The following LRP1B variants were observed in gnomAD, a reference collection of about 807,000 sequenced individuals.
LRP1B encodes low-density lipoprotein receptor-related protein 1B.
A neutral mutation model predicts 556.6 loss-of-function variants in LRP1B; 217 were observed. The ratio of observed to expected loss-of-function variants is 0.39; its 90% CI spans 0.35 to 0.44. The LOEUF is 0.44. Among genes scored for constraint, LRP1B ranks in the 20% least tolerant of loss-of-function variants. The probability of loss-of-function intolerance (pLI) is 1.00; values close to 1 mark genes in which losing one functional copy is unlikely to be tolerated. For missense variants in LRP1B, 5,053 were observed against 5,620.8 expected (o/e 0.90, Z 3.23); for synonymous variants, 2,047 against 1,865.8 (o/e 1.10, Z -2.50).
At chr2:141,222,314 T>A (rs773890424) in intron 6 of LRP1B, among the ~76,000 whole-genome samples, 1 of 152,126 alleles carries the variant, frequency 6.6e-6, no homozygotes, top group Non-Finnish European at 1.5e-5. Context: ...CCTGGACACA[T>A]ACACCCACCC....
At chr2:140,806,064 T>TTCTCTCTC (rs3061403) in intron 32 of LRP1B, among the ~76,000 whole-genome samples, 1,738 of 151,318 alleles carry the variant, frequency 0.011, 22 homozygotes, top group South Asian at 0.028. Flanking sequence ...AGAGAGCTCT[T>TTCTCTCTC]TCTCTCTCTC....
At chr2:140,875,896 T>TGCCAC (rs1693289997) in intron 25 of LRP1B, among the ~76,000 whole-genome samples, 17 of 152,166 alleles carry the variant, frequency 1.1e-4, no homozygotes, top group Admixed American at 6.6e-5. Flanking sequence ...TATATTAAAT[T>TGCCAC]ATTGTGTGCC....
At chr2:140,971,081 A>AT (rs1164251638) in intron 18 of LRP1B, among the ~76,000 whole-genome samples, 2 of 152,124 alleles carry the variant, frequency 1.3e-5, no homozygotes, top group Non-Finnish European at 2.9e-5. Context: ...CAATGATGAC[A>AT]TTTTTTGTGC....
intron 32 of LRP1B, among the ~76,000 whole-genome samples, chr2:140,789,615 G>C (rs935097525): frequency 4.0e-5 from 5 of 123,904 alleles, no homozygotes; most frequent in African/African-American, 1.4e-4. Flanking sequence ...CTAGCTTTAA[G>C]GACTTTTTTT....
intron 1 of LRP1B, among the ~76,000 whole-genome samples, chr2:141,833,938 G>C (rs1159962768): frequency 6.9e-6 from 1 of 145,860 alleles, no homozygotes; most frequent in African/African-American, 2.8e-5. Flanking sequence ...GGGAATGATG[G>C]AAGAGGCAAA....
chr2:141,878,170 C>T (rs1698831437), intron 1 of LRP1B, among the ~76,000 whole-genome samples: 1 of 151,728 alleles, frequency 6.6e-6, no homozygotes, highest in African/African-American at 2.4e-5. Flanking sequence ...CACATCTCTT[C>T]AGAATATTCC....
At chr2:141,800,703 C>T (rs1695980705) in intron 2 of LRP1B, among the ~76,000 whole-genome samples, 1 of 152,240 alleles carries the variant, frequency 6.6e-6, no homozygotes, top group African/African-American at 2.4e-5. Context: ...TCATAAACAT[C>T]ATCTTCTTTA....
At chr2:141,428,033 G>A (rs184663576) in intron 3 of LRP1B, among the ~76,000 whole-genome samples, 1 of 152,180 alleles carries the variant, frequency 6.6e-6, no homozygotes, top group Admixed American at 6.5e-5. Flanking sequence ...GAAGCCCTCT[G>A]GATGTTATCC....
At chr2:141,713,982 C>G (rs1486345068) in intron 2 of LRP1B, among the ~76,000 whole-genome samples, 2 of 152,118 alleles carry the variant, frequency 1.3e-5, no homozygotes, top group African/African-American at 2.4e-5. Context: ...GATTTGCTGT[C>G]TTTTACACTG....
intron 22 of LRP1B, among the ~76,000 whole-genome samples, chr2:140,904,679 G>T (rs1485053560): frequency 6.6e-6 from 1 of 151,752 alleles, no homozygotes; most frequent in East Asian, 1.9e-4. Flanking sequence ...TTATTTTGAA[G>T]AAAAAAAATA....
chr2:141,942,491 A>G (rs942016561), intron 1 of LRP1B, among the ~76,000 whole-genome samples: 7 of 152,106 alleles, frequency 4.6e-5, no homozygotes, highest in African/African-American at 1.7e-4. Flanking sequence ...TTTGTAAAAA[A>G]CAAAAAACAA....
chr2:141,326,540 G>C (rs1687436273), intron 3 of LRP1B, among the ~76,000 whole-genome samples: 1 of 152,132 alleles, frequency 6.6e-6, no homozygotes, highest in Non-Finnish European at 1.5e-5. Context: ...AAATGAAAAT[G>C]CAGTAGGCAA....
intron 3 of LRP1B, among the ~76,000 whole-genome samples, chr2:141,301,321 A>T (rs945398613): frequency 5.3e-5 from 8 of 152,138 alleles, no homozygotes; most frequent in African/African-American, 1.9e-4. Context: ...TTGATCTCTT[A>T]CAAGTTATGG....
At chr2:140,786,415 A>G (rs2104974644) in intron 32 of LRP1B, among the ~76,000 whole-genome samples, 1 of 152,270 alleles carries the variant, frequency 6.6e-6, no homozygotes, top group South Asian at 2.1e-4. Context: ...CACTGTACCT[A>G]CTGCAAATCA....
At chr2:141,398,607 A>C (rs1690333275) in intron 3 of LRP1B, among the ~76,000 whole-genome samples, 1 of 152,196 alleles carries the variant, frequency 6.6e-6, no homozygotes, top group South Asian at 2.1e-4. Flanking sequence ...TGTGGCTAAC[A>C]TGAGACTCTG....
At chr2:140,456,392 C>T (rs1009954972) in intron 62 of LRP1B, 63 bp downstream of exon 62, 9 of 1,485,966 alleles carry the variant, frequency 6.1e-6, no homozygotes, top group Non-Finnish European at 7.3e-6. Flanking sequence ...CAATGTTATG[C>T]TAAACAAAAG....
intron 50 of LRP1B, among the ~76,000 whole-genome samples, chr2:140,515,794 A>G (rs1408799929): frequency 6.6e-6 from 1 of 152,064 alleles, no homozygotes; most frequent in East Asian, 1.9e-4. Flanking sequence ...GTAAAGATAT[A>G]TGGCATCTTA....
chr2:141,885,499 A>G (rs1699082996), intron 1 of LRP1B, among the ~76,000 whole-genome samples: 1 of 152,144 alleles, frequency 6.6e-6, no homozygotes, highest in African/African-American at 2.4e-5. Flanking sequence ...ACAAACAAAC[A>G]AACAAAAAAC....
intron 2 of LRP1B, among the ~76,000 whole-genome samples, chr2:141,790,766 G>A (rs1173035134): frequency 6.6e-6 from 1 of 151,692 alleles, no homozygotes; most frequent in Non-Finnish European, 1.5e-5. Context: ...AAATTTTAAG[G>A]CTACTAATGT....
Sources: gnomAD v4.1 joint callset for allele counts (sites outside exome capture counted in the v4.1 genomes callset) on GRCh38, gnomAD v4.1.1 for gene constraint, MANE v1.5 for transcripts, NCBI Gene and HGNC (gene_info 2026-07-23, HGNC 2026-07-21) for gene names.